Variants in C10orf71 observed in about 807,000 individuals in gnomAD.
C10orf71 encodes the protein cardiac-enriched FHL2-interacting protein.
For missense variants in C10orf71, 1,869 were observed against 1,804.5 expected, an observed-to-expected ratio of 1.04 and a Z score of -0.65; for synonymous variants, 758 against 726.3, an observed-to-expected ratio of 1.04 and a Z score of -0.70.
chr10:49,317,417 T>C (rs1216607303), intron 2 of C10orf71, among the ~76,000 whole-genome samples: 2 of 152,196 alleles, frequency 1.3e-5, no homozygotes, highest in Non-Finnish European at 2.9e-5. Flanking sequence ...GGTTGAATCA[T>C]GCACCCTCTA....
intron 1 of C10orf71, among the ~76,000 whole-genome samples, chr10:49,301,226 G>A (rs538771587): frequency 7.2e-5 from 11 of 152,312 alleles, no homozygotes; most frequent in South Asian, 2.1e-4. Flanking sequence ...AGAAGGCCAC[G>A]CTACAGGGGC....
chr10:49,315,362 G>A (rs1185368784), intron 1 of C10orf71, among the ~76,000 whole-genome samples: 2 of 152,174 alleles, frequency 1.3e-5, no homozygotes, highest in African/African-American at 2.4e-5. Flanking sequence ...TGAGCATTCT[G>A]AATATCCTCC....
At chr10:49,321,843 A>G (rs1849098555) in intron 2 of C10orf71, among the ~76,000 whole-genome samples, 1 of 152,016 alleles carries the variant, frequency 6.6e-6, no homozygotes, top group African/African-American at 2.4e-5. Flanking sequence ...TGCCATTTCT[A>G]TGTCTTCTTT....
Position 49,324,937 on chromosome 10 carries a change from G to A in C10orf71, c.2392G>A (p.Glu798Lys). Residue 798 changes from glutamate to lysine, a missense_variant, in exon 3 of 3, where the codon GAA becomes AAA. Glu to Lys is a moderately conservative substitution (Grantham distance 56). Transcript: ENST00000374144. ...ATGCCTGGAAAACCGCAGCCAGGGG[G>A]AAGCATTGCAAAGAGAAAGGGAAAG... is the stretch of plus-strand genomic sequence containing the variant. ...HACLENRSQG[E>K]ALQRERESVS... The A allele has an allele frequency of 1.3e-6, 2 of 1,550,918 alleles. No individual in the cohort carries two copies. The highest frequency in any genetic ancestry group is 1.4e-5 in the African/African-American group (1 of 73,108).
Position 49,323,557 on chromosome 10 carries a change from C to A in C10orf71, c.1012C>A (p.Leu338Ile). Residue 338 changes from leucine to isoleucine, a missense_variant, in exon 3 of 3, where the codon CTT becomes ATT. Transcript: ENST00000374144. The stretch of plus-strand genomic sequence containing the variant: ...CAGCTGCAGTCAGGAAGAGAACAGA[C>A]TTGCAGCAGGGGCTCTGTCCACATC... ...QASCSQEENR[L>I]AAGALSTSIP... 6.2e-7 allele frequency: 1 copy of A among 1,607,956 alleles called. No homozygotes were observed. The highest frequency in any genetic ancestry group is 1.3e-5 in the African/African-American group (1 of 74,826).
At chr10:49,308,673 G>A (rs1848859089) in intron 1 of C10orf71, among the ~76,000 whole-genome samples, 1 of 152,148 alleles carries the variant, frequency 6.6e-6, no homozygotes, top group African/African-American at 2.4e-5. Flanking sequence ...AGAGGGCCCG[G>A]GTCAGCCCTG....
intron 1 of C10orf71, among the ~76,000 whole-genome samples, chr10:49,305,999 C>A (rs1848806501): frequency 6.6e-6 from 1 of 152,236 alleles, no homozygotes. Context: ...TGTCTCCAAG[C>A]ATGTTCTGTG....
In C10orf71 at chr10:49,322,622, ACAGGGAGG is replaced by A; in HGVS notation, c.78_85del (p.Arg27GlufsTer21). On this transcript the variant is annotated frameshift_variant, in exon 3 of 3. Transcript: ENST00000374144. LOFTEE classifies it low-confidence loss of function (END_TRUNC). ...ATCGGCAGCGTGTTGGATGATGCAGACAGGGAGGTGAGCAGCCTAACAGACCGGGCATT... is the reference window on the plus strand; with the variant it reads ...ATCGGCAGCGTGTTGGATGATGCAGATGAGCAGCCTAACAGACCGGGCATT... 1 of 1,613,320 alleles carries A rather than the reference ACAGGGAGG, an allele frequency of 6.2e-7. No homozygotes were observed. The highest frequency in any genetic ancestry group is 2.2e-5 in the East Asian group (1 of 44,862).
At chr10:49,317,953 T>C (rs1397623559) in intron 2 of C10orf71, among the ~76,000 whole-genome samples, 1 of 152,142 alleles carries the variant, frequency 6.6e-6, no homozygotes, top group Non-Finnish European at 1.5e-5. Flanking sequence ...AAGACGGGTG[T>C]CCTCAAGCCA....
rs1312452838 is a variant in C10orf71 at position 49,326,545 on chromosome 10, C to CTGT, written c.4001_4003dup (p.Leu1334dup). The CTGT allele has an allele frequency of 3.2e-6, 5 of 1,550,532 alleles. No homozygotes were observed. The African/African-American group carries it at 6.8e-5, about 21-fold the overall frequency. On this transcript the variant is annotated inframe_insertion, in exon 3 of 3. Coordinates refer to ENST00000374144, the MANE Select transcript of C10orf71 (RefSeq NM_001135196.2). ...GGACGCCCTGGCCGCTCCCTATGTGCTGTACCCCGGCTTCCAGCCAGTGCC... is the reference window on the plus strand; with the variant it reads ...GGACGCCCTGGCCGCTCCCTATGTGCTGTTGTACCCCGGCTTCCAGCCAGTGCC...
At chr10:49,317,676 C>T (rs923370601) in intron 2 of C10orf71, among the ~76,000 whole-genome samples, 2 of 152,036 alleles carry the variant, frequency 1.3e-5, no homozygotes, top group African/African-American at 4.8e-5. Flanking sequence ...CATGGTGAAA[C>T]TCCATTTATA....
In C10orf71 at chr10:49,326,257, C is replaced by A; in HGVS notation, c.3712C>A (p.Leu1238Met). 6.5e-6 allele frequency: 10 copies of A among 1,550,388 alleles called. No individual in the cohort carries two copies. The highest frequency in any genetic ancestry group is 8.7e-6 in the Non-Finnish European group (10 of 1,146,808). Residue 1238 changes from leucine to methionine, a missense_variant, in exon 3 of 3, where the codon CTG (leucine) becomes ATG (methionine). Leu to Met is a conservative substitution (Grantham distance 15). Coordinates refer to ENST00000374144, the MANE Select transcript of C10orf71 (RefSeq NM_001135196.2). Reference protein sequence around the residue: ...PRHNFPVVRSLPPPVHRHSVS... With the variant: ...PRHNFPVVRSMPPPVHRHSVS... ...ACACAATTTCCCCGTGGTCCGTTCCCTGCCCCCTCCCGTGCACCGCCACTC... is the reference window on the plus strand; with the variant it reads ...ACACAATTTCCCCGTGGTCCGTTCCATGCCCCCTCCCGTGCACCGCCACTC...
intron 1 of C10orf71, among the ~76,000 whole-genome samples, chr10:49,315,429 G>T (rs1389757286): frequency 2.0e-5 from 3 of 152,150 alleles, no homozygotes; most frequent in African/African-American, 4.8e-5. Context: ...TGCCAACAAT[G>T]AATCTAACAC....
chr10:49,327,165 C>A lies in C10orf71; in HGVS notation c.*312C>A. On this transcript the variant is annotated 3_prime_UTR_variant, in exon 3 of 3. Coordinates refer to ENST00000374144, the MANE Select transcript of C10orf71 (RefSeq NM_001135196.2). ...CCCTCCCTTCCTCCCTCTCCTGGCC[C>A]ACCCTGCTCTTCCCTCGCCCTGCAA... The A allele has an allele frequency of 1.3e-6, 1 of 788,822 alleles. No homozygotes were observed. The highest frequency in any genetic ancestry group is 1.8e-6 in the Non-Finnish European group (1 of 546,888). 48.9% of individuals were successfully genotyped at this position (788,822 alleles called of 1,614,324 possible).
At chr10:49,313,631 G>A (rs72792842) in intron 1 of C10orf71, among the ~76,000 whole-genome samples, 92 of 152,284 alleles carry the variant, frequency 6.0e-4, no homozygotes, top group Non-Finnish European at 9.7e-4. Context: ...TGGTGTGTAA[G>A]GAAGAGACCT....
Position 49,323,399 on chromosome 10 carries a change from C to A in C10orf71, c.854C>A (p.Pro285Gln), listed in dbSNP as rs1034754853. ...SAFESWNAHQ[P>Q]KLLERKDTAG... ...TTTGAGTCATGGAATGCCCACCAAC[C>A]AAAGCTGCTGGAGAGAAAGGACACA... Residue 285 changes from proline (P) to glutamine (Q), a missense_variant, in exon 3 of 3, where the codon CCA becomes CAA. Coordinates refer to ENST00000374144, the MANE Select transcript of C10orf71 (RefSeq NM_001135196.2). 4 of 1,613,860 alleles carry A rather than the reference C, an allele frequency of 2.5e-6. No homozygotes were observed. Among genetic ancestry groups the A allele is most frequent in the African/African-American group, 1.3e-5 (1 of 74,924 alleles).
chr10:49,325,774 G>A lies in C10orf71; in HGVS notation c.3229G>A (p.Glu1077Lys), dbSNP rs1849224286. The stretch of plus-strand genomic sequence containing the variant: ...CTCCCCTGCTGCCAGCAACATTTGG[G>A]AGGAGTCTTCCCAGGCCCCTGGAGG... ...ACSPAASNIW[E>K]ESSQAPGGPE... is the part of the protein sequence containing the mutation. Residue 1077 changes from glutamate (E) to lysine (K), a missense_variant, in exon 3 of 3, where the codon GAG (glutamate) becomes AAG (lysine). Physicochemically the swap from Glu to Lys is moderately conservative, Grantham distance 56 (BLOSUM62 1). Transcript: ENST00000374144. 1.3e-6 allele frequency: 2 copies of A among 1,551,346 alleles called. No individual in the cohort carries two copies. The highest frequency in any genetic ancestry group is 1.7e-6 in the Non-Finnish European group (2 of 1,146,912).
At chr10:49,311,132 G>A (rs1305571742) in intron 1 of C10orf71, among the ~76,000 whole-genome samples, 2 of 151,892 alleles carry the variant, frequency 1.3e-5, no homozygotes, top group Non-Finnish European at 2.9e-5. Context: ...CTCCCTCTGA[G>A]GGCACTTTGT....
At position 49,324,931 on chromosome 10, in the gene C10orf71, C is replaced by T. The variant is rs1849189972; in HGVS notation, c.2386C>T (p.Gln796Ter). Reference protein sequence around the residue: ...NGHACLENRSQGEALQRERES... With the variant: ...NGHACLENRS Reference sequence around the variant, plus strand: ...GCACGCATGCCTGGAAAACCGCAGCCAGGGGGAAGCATTGCAAAGAGAAAG... The same window carrying T: ...GCACGCATGCCTGGAAAACCGCAGCTAGGGGGAAGCATTGCAAAGAGAAAG... Residue 796 changes from glutamine to a stop codon, truncating the protein, a stop_gained, in exon 3 of 3, where the codon CAG becomes TAG. Coordinates refer to ENST00000374144, the MANE Select transcript of C10orf71 (RefSeq NM_001135196.2). LOFTEE classifies it low-confidence loss of function (END_TRUNC). 2 of 1,550,678 alleles carry T rather than the reference C, an allele frequency of 1.3e-6. No homozygotes were observed. Among genetic ancestry groups the T allele is most frequent in the Non-Finnish European group, 8.7e-7 (1 of 1,146,272 alleles).
Sources: gnomAD v4.1 joint callset for allele counts (sites outside exome capture counted in the v4.1 genomes callset) on GRCh38, gnomAD v4.1.1 for gene constraint, MANE v1.5 for transcripts, NCBI Gene and HGNC (gene_info 2026-07-23, HGNC 2026-07-21) for gene names.